UBE2V2: variants seen among roughly 807,000 people sequenced by gnomAD.
UBE2V2 encodes ubiquitin-conjugating enzyme E2 variant 2.
A neutral mutation model predicts 17.2 loss-of-function variants in UBE2V2; 9 were observed. That is an observed-to-expected ratio of 0.52 (90% confidence interval 0.32 to 0.91). UBE2V2 has a LOEUF of 0.91. UBE2V2 is among the 40% of genes least tolerant of loss of function. UBE2V2 has a pLI of 0.04. For synonymous variants in UBE2V2, 61 were observed against 57.5 expected (o/e 1.06, Z -0.28); for missense variants, 133 against 182.6 (o/e 0.73, Z 1.56).
intron 1 of UBE2V2, chr8:48,042,658 T>G (rs1295249891): frequency 6.5e-6 from 1 of 154,872 alleles, no homozygotes; most frequent in African/African-American, 2.4e-5. Context: ...AGAGTATATA[T>G]TAATGAACTT....
intron 2 of UBE2V2, among the ~76,000 whole-genome samples, chr8:48,047,401 C>T (rs2091507015): frequency 6.6e-6 from 1 of 151,770 alleles, no homozygotes; most frequent in Non-Finnish European, 1.5e-5. Flanking sequence ...AGGTACTGTC[C>T]CCATCTTTAA....
chr8:47,999,170 G>T, the UBE2V2 span, among the ~76,000 whole-genome samples: 1 of 152,066 alleles, frequency 6.6e-6, no homozygotes, highest in African/African-American at 2.4e-5. Flanking sequence ...AGGGTGGGTG[G>T]CACAGAGAAG....
At position 48,059,336 on chromosome 8, in the gene UBE2V2, G is replaced by T. The variant is rs1406655289; in HGVS notation, c.292-1346G>T. ...GTGCGCAGCCCTACACATGTGTGTG[G>T]TCTTCTAGATTCCCAGGCCTGTTTG... On this transcript the variant is annotated intron_variant, in intron 3 of 3. Transcript: ENST00000523111. Among the ~76,000 whole-genome samples, 3 of 151,918 alleles carry T rather than the reference G, an allele frequency of 2.0e-5. No individual in the cohort carries two copies. The East Asian group carries it at 5.8e-4, about 29-fold the overall frequency.
chr8:48,020,092 G>A (rs1589851938), intron 1 of UBE2V2, among the ~76,000 whole-genome samples: 1 of 150,208 alleles, frequency 6.7e-6, no homozygotes, highest in East Asian at 2.0e-4. Context: ...AGGCTAGAGT[G>A]CAGTGGCGTG....
intron 1 of UBE2V2, among the ~76,000 whole-genome samples, chr8:48,014,604 C>CA (rs550832207): frequency 7.1e-6 from 1 of 140,918 alleles, no homozygotes; most frequent in Non-Finnish European, 1.5e-5. Context: ...GAGATTGCTC[C>CA]ACTGCACTCC....
At chr8:48,003,565 C>A (rs1238598008), upstream of UBE2V2, among the ~76,000 whole-genome samples, 1 of 152,126 alleles carries the variant, frequency 6.6e-6, no homozygotes, top group East Asian at 1.9e-4. Flanking sequence ...AGGTACTGAG[C>A]TTCCTGCTAG....
At chr8:48,008,364 G>T, upstream of UBE2V2, 1 of 1,497,718 alleles carries the variant, frequency 6.7e-7, no homozygotes, top group African/African-American at 1.4e-5. Context: ...GGCGGAGTCC[G>T]CTGTGACGCG....
chr8:48,040,235 G>A (rs2091452571), intron 1 of UBE2V2, among the ~76,000 whole-genome samples: 1 of 151,734 alleles, frequency 6.6e-6, no homozygotes, highest in African/African-American at 2.4e-5. Context: ...ACCATTCAAG[G>A]GTAAGTTAAC....
chr8:48,025,950 T>A (rs975629372), intron 1 of UBE2V2, among the ~76,000 whole-genome samples: 1 of 152,130 alleles, frequency 6.6e-6, no homozygotes, highest in Non-Finnish European at 1.5e-5. Flanking sequence ...AAAGGGAGGT[T>A]ATTGGGAGTG....
chr8:48,000,815 T>C, the UBE2V2 span, among the ~76,000 whole-genome samples: 1 of 131,906 alleles, frequency 7.6e-6, no homozygotes. Context: ...GAGGGAGACT[T>C]TGCCTCAAAA....
chr8:48,036,611 C>T (rs1163628177), intron 1 of UBE2V2, among the ~76,000 whole-genome samples: 1 of 151,222 alleles, frequency 6.6e-6, no homozygotes, highest in Non-Finnish European at 1.5e-5. Context: ...TTTTTTGTAT[C>T]TTTAGGCTAG....
chr8:48,063,618 T>A lies in UBE2V2; in HGVS notation c.*2790T>A, dbSNP rs1204994553. ...ACCAATTTTAAGAATTGACAATTTT[T>A]AAAAATATTTTTTTCTACCATTCTA... On this transcript the variant is annotated 3_prime_UTR_variant, in exon 4 of 4. Coordinates refer to ENST00000523111, the MANE Select transcript of UBE2V2 (RefSeq NM_003350.3). 4 of 152,214 alleles carry A rather than the reference T, an allele frequency of 2.6e-5. No homozygotes were observed. Among genetic ancestry groups the A allele is most frequent in the Non-Finnish European group, 4.4e-5 (3 of 68,042 alleles). The allele number at this position is 152,214 out of a possible 1,614,324, so 9.4% of individuals were successfully genotyped here.
intron 1 of UBE2V2, among the ~76,000 whole-genome samples, chr8:48,034,002 C>G (rs1015787241): frequency 3.3e-5 from 5 of 152,088 alleles, no homozygotes; most frequent in African/African-American, 1.2e-4. Flanking sequence ...GATCTGCAGA[C>G]TTGTTCATCC....
At position 48,063,017 on chromosome 8, in the gene UBE2V2, GA is replaced by G. The variant is rs1802618933; in HGVS notation, c.*2193del. 1 of 152,144 alleles carries G rather than the reference GA, an allele frequency of 6.6e-6. No homozygotes were observed. The highest frequency in any genetic ancestry group is 1.5e-5 in the Non-Finnish European group (1 of 68,028). The allele number at this position is 152,144 out of a possible 1,614,324, so 9.4% of individuals were successfully genotyped here. On this transcript the variant is annotated 3_prime_UTR_variant, in exon 4 of 4. Coordinates refer to ENST00000523111, the MANE Select transcript of UBE2V2 (RefSeq NM_003350.3). ...TCTCTGATAACCTCCTTTCCATTTT[GA>G]AAATGTGTCTTATTATACATGGAAG...
intron 3 of UBE2V2, among the ~76,000 whole-genome samples, chr8:48,051,080 C>G (rs887808449): frequency 5.3e-5 from 8 of 152,000 alleles, no homozygotes; most frequent in African/African-American, 1.9e-4. Context: ...CTCCTGACCT[C>G]AAGTGATCTG....
chr8:47,998,249 G>A, the UBE2V2 span, among the ~76,000 whole-genome samples: 1 of 151,940 alleles, frequency 6.6e-6, no homozygotes, highest in African/African-American at 2.4e-5. Flanking sequence ...TTGCATAGGA[G>A]GCACCCAAGG....
Position 48,050,025 on chromosome 8 carries a change from G to A in UBE2V2, c.291+47G>A, listed in dbSNP as rs573968985. On this transcript the variant is annotated intron_variant, in intron 3 of 3. Transcript: ENST00000523111. Reference sequence around the variant, plus strand: ...GGTTTTATATAACATAATGTATAGAGTTATATATTATACGTACACACACCA... The same window carrying A: ...GGTTTTATATAACATAATGTATAGAATTATATATTATACGTACACACACCA... The A allele has an allele frequency of 1.2e-5, 15 of 1,302,162 alleles. No individual in the cohort carries two copies. In the African/African-American group the frequency reaches 2.1e-4, roughly 19 times the overall value. 80.7% of individuals were successfully genotyped at this position (1,302,162 alleles called of 1,614,324 possible).
intron 1 of UBE2V2, among the ~76,000 whole-genome samples, chr8:48,010,536 G>T (rs1354317345): frequency 6.6e-6 from 1 of 151,646 alleles, no homozygotes; most frequent in Non-Finnish European, 1.5e-5. Flanking sequence ...TGAGTAGCTG[G>T]GACAACAGGC....
chr8:48,028,337 T>C (rs1283876438), intron 1 of UBE2V2, among the ~76,000 whole-genome samples: 2 of 149,928 alleles, frequency 1.3e-5, no homozygotes, highest in African/African-American at 4.9e-5. Flanking sequence ...CCGGCTGTTT[T>C]CTTTTTTTTT....
Sources: gnomAD v4.1 joint callset for allele counts (sites outside exome capture counted in the v4.1 genomes callset) on GRCh38, gnomAD v4.1.1 for gene constraint, MANE v1.5 for transcripts, NCBI Gene and HGNC (gene_info 2026-07-23, HGNC 2026-07-21) for gene names.